B4GALNT3: variants seen among roughly 807,000 people sequenced by gnomAD.
B4GALNT3 encodes beta-1,4-N-acetylgalactosaminyltransferase 3.
B4GALNT3 carries 86 observed loss-of-function variants against 120.2 expected under a neutral mutation model. That is an observed-to-expected ratio of 0.72 (90% CI 0.60 to 0.86). The LOEUF is 0.86. B4GALNT3 is among the 40% of genes least tolerant of loss of function. The pLI, the probability that B4GALNT3 is intolerant of heterozygous loss-of-function variation, is 0.00. For synonymous variants in B4GALNT3, 518 were observed against 510.4 expected (o/e 1.01, Z -0.20); for missense variants, 1,167 against 1,298.9 (o/e 0.90, Z 1.56).
chr12:512,565 T>A (rs1299460892), intron 1 of B4GALNT3, among the ~76,000 whole-genome samples: 3 of 131,008 alleles, frequency 2.3e-5, no homozygotes, highest in African/African-American at 9.0e-5. Flanking sequence ...CCTTCCACCT[T>A]CCACCTTCCA....
At chr12:495,603 A>T (rs1391541170) in intron 1 of B4GALNT3, among the ~76,000 whole-genome samples, 4 of 152,126 alleles carry the variant, frequency 2.6e-5, no homozygotes, top group Non-Finnish European at 5.9e-5. Flanking sequence ...CACTGCAGAG[A>T]TGCTCCCTTC....
At chr12:503,532 T>C (rs1946463728) in intron 1 of B4GALNT3, among the ~76,000 whole-genome samples, 1 of 152,234 alleles carries the variant, frequency 6.6e-6, no homozygotes, top group African/African-American at 2.4e-5. Flanking sequence ...TGCTCACGCC[T>C]CTTTGCTGTG....
At chr12:512,625 C>T (rs1203303527) in intron 1 of B4GALNT3, among the ~76,000 whole-genome samples, 1 of 147,636 alleles carries the variant, frequency 6.8e-6, no homozygotes, top group African/African-American at 2.5e-5. Context: ...CTTCCGCCTT[C>T]CACCTTCCGC....
In B4GALNT3 at chr12:553,528, G is replaced by T; in HGVS notation, c.1605G>T (p.Gly535=). ...DSPHSDKWPP[G]HPVKNLPQMR... is the part of the protein sequence containing the mutation. Reference sequence around the variant, plus strand: ...CTCATTCCGACAAGTGGCCTCCTGGGCACCCTGTGAAGAACCTGCCTCAGA... The same window carrying T: ...CTCATTCCGACAAGTGGCCTCCTGGTCACCCTGTGAAGAACCTGCCTCAGA... The change falls in exon 14 of 20, where the codon GGG becomes GGT. Residue 535 remains glycine (G), a synonymous_variant. Transcript: ENST00000266383. 6.2e-7 allele frequency: 1 copy of T among 1,613,984 alleles called. No individual in the cohort carries two copies. Among genetic ancestry groups the T allele is most frequent in the Non-Finnish European group, 8.5e-7 (1 of 1,179,958 alleles).
intron 1 of B4GALNT3, among the ~76,000 whole-genome samples, chr12:527,095 G>T (rs1243854669): frequency 1.3e-5 from 2 of 151,908 alleles, no homozygotes; most frequent in African/African-American, 4.8e-5. Context: ...GTTTTGTTTT[G>T]TTTTGTTTTT....
rs374799826 is a variant in B4GALNT3 at position 553,628 on chromosome 12, A to G, written c.1705A>G (p.Ile569Val). 6 of 1,613,904 alleles carry G rather than the reference A, an allele frequency of 3.7e-6. No individual in the cohort carries two copies. Among genetic ancestry groups the G allele is most frequent in the East Asian group, 2.2e-5 (1 of 44,898 alleles). ...GTGGCTGAACCAGGTGGAGTCGTAC[A>G]TCGCAGAGCAGAGACGGGGTGACAG... ...TQWLNQVESYIAEQRRGDRMR... is the reference protein window; with the variant it reads ...TQWLNQVESYVAEQRRGDRMR... The change falls in exon 14 of 20, where the codon ATC becomes GTC. Residue 569 changes from isoleucine (I) to valine (V), a missense_variant. By Grantham distance (29) the Ile-to-Val change is conservative (BLOSUM62 3). Coordinates refer to ENST00000266383, the MANE Select transcript of B4GALNT3 (RefSeq NM_173593.4).
chr12:556,074 C>T lies in B4GALNT3; in HGVS notation c.2061-473C>T, dbSNP rs551038518. On this transcript the variant is annotated intron_variant, in intron 14 of 19. Coordinates refer to ENST00000266383, the MANE Select transcript of B4GALNT3 (RefSeq NM_173593.4). ...CTGGGATTACAGGTGTGAGCCACTG[C>T]ACCTGGCATTGTGTTTTGTTTTAAA... Among the ~76,000 whole-genome samples the T allele has an allele frequency of 2.0e-5, 3 of 152,254 alleles. No individual in the cohort carries two copies. In the South Asian group the frequency reaches 6.2e-4, roughly 32 times the overall value.
At chr12:504,503 A>G (rs904816140) in intron 1 of B4GALNT3, among the ~76,000 whole-genome samples, 29 of 127,136 alleles carry the variant, frequency 2.3e-4, no homozygotes, top group Admixed American at 8.9e-5. Context: ...TCTGTTGCCC[A>G]GGCTGGAGTG....
At chr12:496,497 G>A (rs1019911732) in intron 1 of B4GALNT3, among the ~76,000 whole-genome samples, 7 of 152,092 alleles carry the variant, frequency 4.6e-5, no homozygotes, top group Non-Finnish European at 8.8e-5. Flanking sequence ...CTACCTGGCA[G>A]GCTGAGGCAG....
At chr12:549,147 G>T (rs966598482) in intron 9 of B4GALNT3, among the ~76,000 whole-genome samples, 1 of 152,158 alleles carries the variant, frequency 6.6e-6, no homozygotes, top group African/African-American at 2.4e-5. Context: ...TCCGTGGCAG[G>T]TGTAGACAGA....
intron 1 of B4GALNT3, among the ~76,000 whole-genome samples, chr12:520,470 C>T (rs373763136): frequency 6.0e-4 from 68 of 113,152 alleles, no homozygotes; most frequent in African/African-American, 2.2e-3. Flanking sequence ...CATCAAATAA[C>T]CAGTTGATTT....
chr12:515,406 C>G (rs1271057683), intron 1 of B4GALNT3, among the ~76,000 whole-genome samples: 1 of 152,020 alleles, frequency 6.6e-6, no homozygotes, highest in Non-Finnish European at 1.5e-5. Flanking sequence ...ACCATGTTAG[C>G]CAGGGTGGTC....
intron 1 of B4GALNT3, among the ~76,000 whole-genome samples, chr12:484,645 G>C (rs1946273154): frequency 6.6e-6 from 1 of 152,108 alleles, no homozygotes; most frequent in Non-Finnish European, 1.5e-5. Context: ...GAGAAATAAA[G>C]GGTCATGAAG....
chr12:544,806 T>A, intron 4 of B4GALNT3, 76 bp from the exon 5 acceptor site: 2 of 1,449,232 alleles, frequency 1.4e-6, no homozygotes, highest in Non-Finnish European at 9.6e-7. Flanking sequence ...CCCCTCCTGG[T>A]CTTCCCGCCA....
intron 7 of B4GALNT3, among the ~76,000 whole-genome samples, chr12:547,085 G>C (rs1009929646): frequency 3.3e-5 from 5 of 152,226 alleles, no homozygotes; most frequent in Non-Finnish European, 7.3e-5. Context: ...TTTCCCTTGC[G>C]GGGAGGGAGC....
chr12:513,957 T>C (rs2120597441), intron 1 of B4GALNT3, among the ~76,000 whole-genome samples: 1 of 152,298 alleles, frequency 6.6e-6, no homozygotes, highest in African/African-American at 2.4e-5. Context: ...CCATTCATAG[T>C]TGATGATGGA....
At chr12:502,294 A>C (rs748231773) in intron 1 of B4GALNT3, among the ~76,000 whole-genome samples, 5 of 152,214 alleles carry the variant, frequency 3.3e-5, no homozygotes, top group Non-Finnish European at 7.3e-5. Context: ...AGCGTCCTGC[A>C]GCCCTCGGCA....
rs894575599 is a variant in B4GALNT3 at position 550,766 on chromosome 12, C to T, written c.998-156C>T. 1.3e-5 allele frequency among the ~76,000 whole-genome samples: 2 copies of T among 152,122 alleles called. No homozygotes were observed. The highest frequency in any genetic ancestry group is 2.9e-5 in the Non-Finnish European group (2 of 68,016). On this transcript the variant is annotated intron_variant, in intron 10 of 19. Transcript: ENST00000266383. The surrounding 1 kb of genome is among the most constrained non-coding windows in gnomAD (Gnocchi z 4.1). Reference sequence around the variant, plus strand: ...TCCTCAAATGGCCCTGCTCCAGGTGCGTGGGGCAGCCTCCAGCTGGCAGCC... The same window carrying T: ...TCCTCAAATGGCCCTGCTCCAGGTGTGTGGGGCAGCCTCCAGCTGGCAGCC...
chr12:496,824 C>T (rs1223642992), intron 1 of B4GALNT3, among the ~76,000 whole-genome samples: 1 of 152,216 alleles, frequency 6.6e-6, no homozygotes, highest in African/African-American at 2.4e-5. Context: ...GCTTCTTTCA[C>T]TTAGCATGAC....
Sources: allele counts gnomAD v4.1 joint callset (sites outside exome capture counted in the v4.1 genomes callset), GRCh38; gene constraint gnomAD v4.1.1; non-coding constraint Gnocchi (gnomAD v3.1); transcripts MANE v1.5; gene names NCBI Gene and HGNC (gene_info 2026-07-23, HGNC 2026-07-21).